Variants in EXOG observed in about 807,000 individuals in gnomAD.
EXOG encodes the protein nuclease EXOG, mitochondrial.
In EXOG, 27 loss-of-function variants were observed where a neutral mutation model predicts 25.8. The ratio of observed to expected loss-of-function variants is 1.05; its 90% CI spans 0.77 to 1.45. EXOG has a LOEUF of 1.45. Among genes scored for constraint, EXOG ranks in the 40% most tolerant of loss-of-function variants. The pLI is 0.00. For synonymous variants in EXOG, 133 were observed against 167.0 expected, an observed-to-expected ratio of 0.80 and a Z score of 1.57; for missense variants, 458 against 450.5, an observed-to-expected ratio of 1.02 and a Z score of -0.15.
chr3:38,509,453 A>C (rs1026442428), intron 5 of EXOG, among the ~76,000 whole-genome samples: 1 of 152,232 alleles, frequency 6.6e-6, no homozygotes, highest in Non-Finnish European at 1.5e-5. Context: ...TAAAAATAGA[A>C]CTGATAAAAA....
chr3:38,524,318 A>G lies in EXOG; in HGVS notation c.1063A>G (p.Lys355Glu). 6.2e-7 allele frequency: 1 copy of G among 1,612,560 alleles called. No individual in the cohort carries two copies. Residue 355 changes from lysine to glutamate, a missense_variant, in exon 6 of 6, where the codon AAA becomes GAA. Coordinates refer to ENST00000287675, the MANE Select transcript of EXOG (RefSeq NM_005107.4). ...CTATGAGAAGAAGCTAGAAGAACTCAAAGCTAAGGAGCAGTCAGGAACCCA... is the reference window on the plus strand; with the variant it reads ...CTATGAGAAGAAGCTAGAAGAACTCGAAGCTAAGGAGCAGTCAGGAACCCA... ...SRYEKKLEEL[K>E]AKEQSGTQIR...
intron 1 of EXOG, chr3:38,497,348 G>A: frequency 8.7e-7 from 1 of 1,150,074 alleles, no homozygotes; most frequent in Middle Eastern, 3.7e-4. Flanking sequence ...AATTTGATGT[G>A]AAAGACTAAT....
intron 4 of EXOG, among the ~76,000 whole-genome samples, chr3:38,506,122 T>C (rs948037998): frequency 4.0e-5 from 6 of 151,646 alleles, no homozygotes; most frequent in African/African-American, 1.2e-4. Flanking sequence ...TGAGCTGAGA[T>C]TGCACCATTG....
intron 5 of EXOG, among the ~76,000 whole-genome samples, chr3:38,522,237 C>G (rs918656629): frequency 1.3e-5 from 2 of 152,180 alleles, no homozygotes; most frequent in African/African-American, 4.8e-5. Flanking sequence ...AGTTCCCAGG[C>G]TGTGTGCCAT....
chr3:38,499,215 T>G (rs2059977794), intron 2 of EXOG, among the ~76,000 whole-genome samples: 1 of 152,256 alleles, frequency 6.6e-6, no homozygotes, highest in East Asian at 1.9e-4. Context: ...GCTTTTTAAT[T>G]TGCTGTGTGT....
At chr3:38,502,655 T>A (rs1026175773) in intron 3 of EXOG, among the ~76,000 whole-genome samples, 1 of 152,176 alleles carries the variant, frequency 6.6e-6, no homozygotes, top group Non-Finnish European at 1.5e-5. Flanking sequence ...TATATATTTG[T>A]GCAGTAATAT....
chr3:38,512,698 C>CT (rs1358652166), intron 5 of EXOG, among the ~76,000 whole-genome samples: 3 of 152,124 alleles, frequency 2.0e-5, no homozygotes, highest in Non-Finnish European at 4.4e-5. Flanking sequence ...ATAATGTAGT[C>CT]TGAGTTTTGC....
At chr3:38,503,733 AAATGAAGTGACAGGAG>A in intron 4 of EXOG, 42 bp downstream of exon 4, 1 of 1,164,310 alleles carries the variant, frequency 8.6e-7, no homozygotes, top group Non-Finnish European at 1.3e-6. Context: ...TATGGAAGAT[AAATGAAGTGACAGGAG>A]AATGTACTGA....
chr3:38,506,817 T>A, intron 4 of EXOG, 37 bp from the exon 5 acceptor site: 1 of 1,003,454 alleles, frequency 1.0e-6, no homozygotes, highest in East Asian at 2.4e-5. Flanking sequence ...CATGTATATA[T>A]GTGAGAATAT....
At chr3:38,500,009 T>C (rs1050445902) in intron 2 of EXOG, 3 of 199,190 alleles carry the variant, frequency 1.5e-5, no homozygotes, top group Non-Finnish European at 3.1e-5. Context: ...TAGGAGACCC[T>C]TCCTGTGTTA....
chr3:38,500,279 C>T (rs533569079), intron 2 of EXOG: 1 of 152,444 alleles, frequency 6.6e-6, no homozygotes, highest in African/African-American at 2.4e-5. Flanking sequence ...ACTGGGAATA[C>T]TGCTAGACAC....
intron 5 of EXOG, among the ~76,000 whole-genome samples, chr3:38,515,000 G>A (rs2125787630): frequency 6.6e-6 from 1 of 152,252 alleles, no homozygotes; most frequent in East Asian, 1.9e-4. Context: ...TTGAACTCCT[G>A]ACTGCAAGTG....
intron 2 of EXOG, chr3:38,501,015 G>A (rs1011972957): frequency 8.8e-5 from 16 of 181,612 alleles, no homozygotes; most frequent in Admixed American, 2.4e-4. Flanking sequence ...AAAAACAAGA[G>A]TTTATTTAGT....
intron 2 of EXOG, 34 bp from the exon 3 acceptor site, chr3:38,501,321 T>G: frequency 6.2e-7 from 1 of 1,602,694 alleles, no homozygotes; most frequent in Non-Finnish European, 8.5e-7. Flanking sequence ...ATTTGTCTAC[T>G]GATAACATAT....
At chr3:38,506,760 T>G in intron 4 of EXOG, 94 bp from the exon 5 acceptor site, 1 of 525,366 alleles carries the variant, frequency 1.9e-6, no homozygotes, top group Non-Finnish European at 3.4e-6. Flanking sequence ...AAATGCAGTT[T>G]TTCTTGGTAT....
At position 38,523,633 on chromosome 3, in the gene EXOG, G is replaced by A. The variant is rs139380351; in HGVS notation, c.646-268G>A. Among the ~76,000 whole-genome samples, 168 of 152,272 alleles carry A rather than the reference G, an allele frequency of 1.1e-3. 1 individual carries two copies. The highest frequency in any genetic ancestry group is 3.4e-3 in the Middle Eastern group (1 of 294). On this transcript the variant is annotated intron_variant, in intron 5 of 5. Coordinates refer to ENST00000287675, the MANE Select transcript of EXOG (RefSeq NM_005107.4). The stretch of plus-strand genomic sequence containing the variant: ...TCTGCCCGCCTTGGCGTCCCAAAGT[G>A]CTGGGATTACAGGTATGAGCCACCG...
intron 5 of EXOG, among the ~76,000 whole-genome samples, chr3:38,510,811 C>T (rs1456888193): frequency 6.6e-6 from 1 of 152,086 alleles, no homozygotes; most frequent in Non-Finnish European, 1.5e-5. Flanking sequence ...CAGCTCTCCT[C>T]ACCCTAGTTA....
intron 5 of EXOG, among the ~76,000 whole-genome samples, chr3:38,516,042 A>G (rs905001237): frequency 6.6e-6 from 1 of 152,114 alleles, no homozygotes; most frequent in Non-Finnish European, 1.5e-5. Context: ...TTTTTCCTGT[A>G]TATTTTATCT....
chr3:38,497,989 A>G (rs937290993), intron 2 of EXOG: 26 of 522,672 alleles, frequency 5.0e-5, no homozygotes, highest in Non-Finnish European at 8.1e-5. Flanking sequence ...AAATACCCAT[A>G]TCTTGACACA....
Sources: gnomAD v4.1 joint callset for allele counts (sites outside exome capture counted in the v4.1 genomes callset) on GRCh38, gnomAD v4.1.1 for gene constraint, MANE v1.5 for transcripts, NCBI Gene and HGNC (gene_info 2026-07-23, HGNC 2026-07-21) for gene names.